The following OLFM4 variants were observed in gnomAD, a reference collection of about 807,000 sequenced individuals.
The protein encoded by OLFM4 is olfactomedin-4.
A neutral mutation model predicts 25.5 loss-of-function variants in OLFM4; 22 were observed. The ratio of observed to expected loss-of-function variants is 0.86; its 90% CI spans 0.62 to 1.23. The LOEUF (loss-of-function observed/expected upper bound fraction) is 1.23. Among genes scored for constraint, OLFM4 ranks in the 50% most tolerant of loss-of-function variants. The pLI, the probability that OLFM4 is intolerant of heterozygous loss-of-function variation, is 0.00. For missense variants in OLFM4, 594 were observed against 619.4 expected (o/e 0.96, Z 0.44); for synonymous variants, 255 against 237.7 (o/e 1.07, Z -0.67).
chr13:53,034,586 C>A, intron 2 of OLFM4, 86 bp downstream of exon 2: 2 of 1,184,390 alleles, frequency 1.7e-6, no homozygotes, highest in Non-Finnish European at 2.4e-6. Context: ...AGCAATCATT[C>A]TTCACTATCA....
intron 4 of OLFM4, among the ~76,000 whole-genome samples, chr13:53,049,689 A>G (rs924408480): frequency 6.6e-6 from 1 of 152,176 alleles, no homozygotes; most frequent in Non-Finnish European, 1.5e-5. Context: ...AAACTTTTTA[A>G]ATATAGTTCT....
At position 53,050,459 on chromosome 13, in the gene OLFM4, T is replaced by C. The variant is rs1295353409; in HGVS notation, c.1221T>C (p.Ile407=). ...STEASTGNMV[I]SKLNDTTLQV... is the part of the protein sequence containing the mutation. The stretch of plus-strand genomic sequence containing the variant: ...AAGCCAGCACTGGTAACATGGTGAT[T>C]AGTAAACTCAATGACACCACACTTC... The change falls in exon 5 of 5, where the codon ATT becomes ATC. Residue 407 remains isoleucine (I), a synonymous_variant. Transcript: ENST00000219022. The C allele has an allele frequency of 3.7e-6, 6 of 1,614,098 alleles. No homozygotes were observed. The highest frequency in any genetic ancestry group is 4.2e-6 in the Non-Finnish European group (5 of 1,179,976).
intron 1 of OLFM4, among the ~76,000 whole-genome samples, chr13:53,032,081 G>T (rs1954632139): frequency 6.6e-6 from 1 of 152,200 alleles, no homozygotes; most frequent in Non-Finnish European, 1.5e-5. Flanking sequence ...ATGGAAGCTG[G>T]GGGAGTCCAC....
rs150041092 is a variant in OLFM4 at position 53,034,444 on chromosome 13, C to T, written c.301C>T (p.Arg101Cys). The T allele has an allele frequency of 5.3e-4, 849 of 1,614,004 alleles. No individual in the cohort carries two copies. The highest frequency in any genetic ancestry group is 6.8e-4 in the Non-Finnish European group (797 of 1,179,950). ...CACCTTTCCCGTGGACAGAGTGGAA[C>T]GCTTGGAATTCACAGCTCATGTTCT... is the stretch of plus-strand genomic sequence containing the variant. The part of the protein sequence containing the change: ...DTTFPVDRVE[R>C]LEFTAHVLSQ... Residue 101 changes from arginine to cysteine, a missense_variant, in exon 2 of 5, where the codon CGC (arginine) becomes TGC (cysteine). Transcript: ENST00000219022.
chr13:53,028,971 C>T lies in OLFM4; in HGVS notation c.135C>T (p.Ser45=). 2 of 1,614,056 alleles carry T rather than the reference C, an allele frequency of 1.2e-6. No individual in the cohort carries two copies. The highest frequency in any genetic ancestry group is 2.2e-5 in the South Asian group (2 of 91,084). Residue 45 remains serine, a synonymous_variant, in exon 1 of 5, where the codon AGC becomes AGT. Transcript: ENST00000219022. The part of the protein sequence containing the change: ...SSFPGVDSSS[S]FSSSSRSGSS... ...TCCCAGGTGTTGACTCCAGCTCCAG[C>T]TTCAGCTCCAGCTCCAGGTCGGGCT...
intron 4 of OLFM4, among the ~76,000 whole-genome samples, chr13:53,045,428 C>T (rs1374407552): frequency 1.3e-5 from 2 of 152,154 alleles, no homozygotes; most frequent in Admixed American, 6.5e-5. Context: ...TTATATTAAA[C>T]TGACTTTTGG....
At chr13:53,030,274 T>C (rs984265542) in intron 1 of OLFM4, among the ~76,000 whole-genome samples, 11 of 152,278 alleles carry the variant, frequency 7.2e-5, no homozygotes, top group Admixed American at 1.3e-4. Context: ...CTAGGTTAAG[T>C]ACATAATATA....
chr13:53,032,527 C>T (rs1222235793), intron 1 of OLFM4, among the ~76,000 whole-genome samples: 2 of 152,178 alleles, frequency 1.3e-5, no homozygotes, highest in East Asian at 3.9e-4. Flanking sequence ...CTTACCGAGT[C>T]TTTATTCATC....
intron 1 of OLFM4, among the ~76,000 whole-genome samples, chr13:53,029,886 G>A (rs113324801): frequency 8.1e-4 from 124 of 152,318 alleles, no homozygotes; most frequent in African/African-American, 2.9e-3. Context: ...AAGGAGAATG[G>A]GCTGGAGGGC....
chr13:53,041,888 G>T (rs770979422), intron 2 of OLFM4, 22 bp from the exon 3 acceptor site: 1 of 1,591,842 alleles, frequency 6.3e-7, no homozygotes, highest in East Asian at 2.2e-5. Flanking sequence ...GAATTGGCTT[G>T]AACCTTTTGA....
At chr13:53,048,493 CAG>C (rs1433727314) in intron 4 of OLFM4, among the ~76,000 whole-genome samples, 1 of 152,110 alleles carries the variant, frequency 6.6e-6, no homozygotes, top group Admixed American at 6.6e-5. Context: ...AAAATAAAAA[CAG>C]AATTTCTAGT....
intron 2 of OLFM4, 71 bp downstream of exon 2, chr13:53,034,571 T>C: frequency 7.4e-7 from 1 of 1,342,888 alleles, no homozygotes; most frequent in Non-Finnish European, 1.0e-6. Context: ...ATTTAGGATT[T>C]TATAAGCAAT....
rs775055852 is a variant in OLFM4 at position 53,034,337 on chromosome 13, A to G, written c.205-11A>G. On this transcript the variant is annotated splice_polypyrimidine_tract_variant and intron_variant, in intron 1 of 4. Transcript: ENST00000219022. ...GCTTGTTATTGATGTTCAACTTGTT[A>G]TTATTTGCAGTTGTTTTCCAATTTC... The G allele has an allele frequency of 1.8e-5, 29 of 1,604,814 alleles. No individual in the cohort carries two copies. Among genetic ancestry groups the G allele is most frequent in the Non-Finnish European group, 2.3e-5 (27 of 1,177,620 alleles).
chr13:53,044,005 C>A (rs1780788168), intron 4 of OLFM4, among the ~76,000 whole-genome samples: 1 of 152,030 alleles, frequency 6.6e-6, no homozygotes, highest in African/African-American at 2.4e-5. Flanking sequence ...TTTAGAATTC[C>A]AAAGACCTGA....
At chr13:53,044,888 C>A (rs970189469) in intron 4 of OLFM4, among the ~76,000 whole-genome samples, 8 of 152,132 alleles carry the variant, frequency 5.3e-5, no homozygotes, top group African/African-American at 1.7e-4. Flanking sequence ...CCCCAACACC[C>A]CTTGCAAATC....
At chr13:53,032,339 C>A (rs1954633348) in intron 1 of OLFM4, among the ~76,000 whole-genome samples, 1 of 146,826 alleles carries the variant, frequency 6.8e-6, no homozygotes, top group Non-Finnish European at 1.5e-5. Flanking sequence ...AAATGCAATG[C>A]AAGATTTTTT....
At chr13:53,049,213 AG>A (rs1233824310) in intron 4 of OLFM4, among the ~76,000 whole-genome samples, 1 of 152,216 alleles carries the variant, frequency 6.6e-6, no homozygotes, top group East Asian at 1.9e-4. Flanking sequence ...GTAACTCTGC[AG>A]CAGGACGGTC....
intron 1 of OLFM4, among the ~76,000 whole-genome samples, chr13:53,031,879 T>G (rs2185960): frequency 0.66 from 100,371 of 152,084 alleles, 34,130 homozygotes; most frequent in East Asian, 0.84. Context: ...GGGGACAAGC[T>G]CTTGTCTTTG....
chr13:53,049,084 C>A (rs1954730542), intron 4 of OLFM4, among the ~76,000 whole-genome samples: 2 of 152,160 alleles, frequency 1.3e-5, no homozygotes, highest in Non-Finnish European at 2.9e-5. Context: ...ACCAGTGAAT[C>A]TTGTCCCACT....
Sources: allele counts gnomAD v4.1 joint callset (sites outside exome capture counted in the v4.1 genomes callset), GRCh38; gene constraint gnomAD v4.1.1; transcripts MANE v1.5; gene names NCBI Gene and HGNC (gene_info 2026-07-23, HGNC 2026-07-21).